The following CNTN5 variants were observed in gnomAD, a reference collection of about 807,000 sequenced individuals.
CNTN5 encodes contactin 5.
A neutral mutation model predicts 129.1 loss-of-function variants in CNTN5; 77 were observed. The ratio of observed to expected loss-of-function variants is 0.60; its 90% CI spans 0.50 to 0.72. CNTN5 has a LOEUF of 0.72. CNTN5 is among the 30% of genes least tolerant of loss of function. The pLI, the probability that CNTN5 is intolerant of heterozygous loss-of-function variation, is 0.00. For synonymous variants in CNTN5, 509 were observed against 465.6 expected (o/e 1.09, Z -1.20); for missense variants, 1,478 against 1,328.8 (o/e 1.11, Z -1.75).
intron 1 of CNTN5, among the ~76,000 whole-genome samples, chr11:99,166,089 T>C (rs1591301459): frequency 6.6e-6 from 1 of 152,172 alleles, no homozygotes; most frequent in Non-Finnish European, 1.5e-5. Context: ...TTTGGTTCCC[T>C]ACTAGAAGCA....
At chr11:99,598,258 CCTTTTCTTTTCTTTT>C (rs796751648) in intron 3 of CNTN5, among the ~76,000 whole-genome samples, 8 of 93,646 alleles carry the variant, frequency 8.5e-5, no homozygotes, top group African/African-American at 3.4e-4. Flanking sequence ...TCTTAGCTTT[CCTTTTCTTTTCTTTT>C]CTTTTCTTTT....
rs375776711 is a variant in CNTN5 at position 100,297,263 on chromosome 11, A to C, written c.2315-362A>C. On this transcript the variant is annotated intron_variant, in intron 18 of 24. Coordinates refer to ENST00000524871, the MANE Select transcript of CNTN5 (RefSeq NM_014361.4). Reference sequence around the variant, plus strand: ...CCTGTGGATTTTTCAGTGGCTCTGCAAGCCCCGGGATAACAAAAAAGAGTC... The same window carrying C: ...CCTGTGGATTTTTCAGTGGCTCTGCCAGCCCCGGGATAACAAAAAAGAGTC... 7.3e-5 allele frequency among the ~76,000 whole-genome samples: 11 copies of C among 151,486 alleles called. No individual in the cohort carries two copies. The East Asian group carries it at 2.1e-3, about 29-fold the overall frequency.
In CNTN5 at chr11:100,074,303, C is replaced by G. The variant is rs1445520167; in HGVS notation, c.1580+9C>G. The G allele has an allele frequency of 5.7e-6, 9 of 1,574,158 alleles. No homozygotes were observed. In the East Asian group the frequency reaches 6.9e-5, roughly 12 times the overall value. ...GTTAGAGAAAACAAAAGGTTAGAAT[C>G]TATTTTATAATTCAAGTTCAACATT... On this transcript the variant is annotated intron_variant, in intron 13 of 24. Coordinates refer to ENST00000524871, the MANE Select transcript of CNTN5 (RefSeq NM_014361.4).
intron 13 of CNTN5, among the ~76,000 whole-genome samples, chr11:100,134,852 G>T (rs1344868457): frequency 1.3e-5 from 2 of 152,184 alleles, no homozygotes; most frequent in South Asian, 2.1e-4. Flanking sequence ...TATTTCAGTT[G>T]TATTTTATTG....
chr11:99,477,907 T>A (rs900217346), intron 2 of CNTN5, among the ~76,000 whole-genome samples: 1 of 151,986 alleles, frequency 6.6e-6, no homozygotes, highest in African/African-American at 2.4e-5. Context: ...AATTAGTAAG[T>A]GAAAAACTGA....
At chr11:99,283,918 C>T (rs537326373) in intron 1 of CNTN5, among the ~76,000 whole-genome samples, 4 of 152,188 alleles carry the variant, frequency 2.6e-5, no homozygotes, top group Admixed American at 1.3e-4. Context: ...ATGCCTCATA[C>T]GAGCAGTACA....
intron 16 of CNTN5, among the ~76,000 whole-genome samples, chr11:100,238,733 A>G (rs1354907285): frequency 1.3e-5 from 2 of 152,212 alleles, no homozygotes; most frequent in African/African-American, 4.8e-5. Context: ...CATGTCCCTT[A>G]TCTTTAAGAT....
intron 9 of CNTN5, among the ~76,000 whole-genome samples, chr11:100,053,445 C>T (rs527529740): frequency 2.9e-4 from 44 of 151,622 alleles, no homozygotes; most frequent in African/African-American, 1.0e-3. Flanking sequence ...TTTGAGTATG[C>T]GAATGGCTAA....
intron 1 of CNTN5, among the ~76,000 whole-genome samples, chr11:99,211,674 A>G (rs190848473): frequency 6.6e-6 from 1 of 151,414 alleles, no homozygotes; most frequent in African/African-American, 2.4e-5. Context: ...AAACTTCCTT[A>G]CCCTTTTTTC....
intron 3 of CNTN5, among the ~76,000 whole-genome samples, chr11:99,712,227 C>A (rs188144536): frequency 2.4e-4 from 37 of 152,206 alleles, no homozygotes; most frequent in African/African-American, 8.9e-4. Context: ...CTCTAATGAC[C>A]AGTGATGATG....
At position 100,150,690 on chromosome 11, in the gene CNTN5, A is replaced by G. The variant is rs1255057383; in HGVS notation, c.1581-40436A>G. Among the ~76,000 whole-genome samples, 11 of 152,110 alleles carry G rather than the reference A, an allele frequency of 7.2e-5. No homozygotes were observed. The East Asian group carries it at 2.1e-3, about 30-fold the overall frequency. On this transcript the variant is annotated intron_variant, in intron 13 of 24. Transcript: ENST00000524871. ...ATGTCATCAACACAAGCAGAAGAAC[A>G]ATCAACAAAACACAACTTAGTTTTC...
intron 9 of CNTN5, among the ~76,000 whole-genome samples, chr11:100,028,123 T>G (rs1389812104): frequency 6.6e-6 from 1 of 152,066 alleles, no homozygotes; most frequent in East Asian, 1.9e-4. Flanking sequence ...TTTGACAGAA[T>G]CCTTTCTCAG....
chr11:99,917,635 T>C (rs11819910), intron 7 of CNTN5, among the ~76,000 whole-genome samples: 2,706 of 152,080 alleles, frequency 0.018, 72 homozygotes, highest in African/African-American at 0.062. Context: ...TGTGGGAAAA[T>C]AAGCAAGATT....
intron 13 of CNTN5, among the ~76,000 whole-genome samples, chr11:100,085,965 A>T (rs1944537010): frequency 6.6e-6 from 1 of 152,056 alleles, no homozygotes; most frequent in Non-Finnish European, 1.5e-5. Flanking sequence ...TTAGGAAGAG[A>T]CTTCAGAATT....
At chr11:100,021,582 TA>T (rs1239310415) in intron 9 of CNTN5, among the ~76,000 whole-genome samples, 1 of 152,230 alleles carries the variant, frequency 6.6e-6, no homozygotes, top group East Asian at 1.9e-4. Flanking sequence ...TACATGATAA[TA>T]TTTTTTGCTC....
intron 1 of CNTN5, among the ~76,000 whole-genome samples, chr11:99,281,974 G>T (rs1863718498): frequency 6.6e-6 from 1 of 151,850 alleles, no homozygotes; most frequent in South Asian, 2.1e-4. Flanking sequence ...CTTTTATCAA[G>T]CTATAAGTAG....
intron 3 of CNTN5, among the ~76,000 whole-genome samples, chr11:99,710,694 A>G (rs1349898017): frequency 6.6e-6 from 1 of 151,774 alleles, no homozygotes; most frequent in African/African-American, 2.4e-5. Context: ...GGGAGTAAAA[A>G]AATGACTACA....
chr11:99,317,074 G>A (rs990658792), intron 1 of CNTN5, among the ~76,000 whole-genome samples: 1 of 152,134 alleles, frequency 6.6e-6, no homozygotes, highest in African/African-American at 2.4e-5. Context: ...ACTTCAGTTG[G>A]CTATGTCCTT....
At chr11:99,392,241 A>C (rs1051466028) in intron 2 of CNTN5, among the ~76,000 whole-genome samples, 1 of 151,548 alleles carries the variant, frequency 6.6e-6, no homozygotes. Flanking sequence ...AAAATAAAAA[A>C]CTCAACTATA....
Sources: gnomAD v4.1 joint callset for allele counts (sites outside exome capture counted in the v4.1 genomes callset) on GRCh38, gnomAD v4.1.1 for gene constraint, MANE v1.5 for transcripts, NCBI Gene and HGNC (gene_info 2026-07-23, HGNC 2026-07-21) for gene names.